SSH2: variants seen among roughly 807,000 people sequenced by gnomAD.
The protein encoded by SSH2 is protein phosphatase Slingshot homolog 2.
A neutral mutation model predicts 135.2 loss-of-function variants in SSH2; 37 were observed. The observed-to-expected ratio is 0.27, with a 90% CI of 0.21 to 0.36. The LOEUF (loss-of-function observed/expected upper bound fraction) is 0.36. Among genes scored for constraint, SSH2 ranks in the 10% least tolerant of loss-of-function variants. SSH2 has a pLI of 1.00. For missense variants in SSH2, 1,408 were observed against 1,765.3 expected (o/e 0.80, Z 3.63); for synonymous variants, 628 against 646.2 (o/e 0.97, Z 0.43).
chr17:29,840,826 G>A (rs531278060), intron 2 of SSH2, among the ~76,000 whole-genome samples: 1 of 152,264 alleles, frequency 6.6e-6, no homozygotes, highest in South Asian at 2.1e-4. Flanking sequence ...CAACTCCATG[G>A]GATAGGTACT....
At chr17:29,785,627 G>C (rs922073676) in intron 3 of SSH2, among the ~76,000 whole-genome samples, 1 of 150,490 alleles carries the variant, frequency 6.6e-6, no homozygotes, top group Non-Finnish European at 1.5e-5. Flanking sequence ...AGCCTCCTGA[G>C]TAGCTGGGAT....
At chr17:29,876,683 T>C (rs2066037793) in intron 1 of SSH2, among the ~76,000 whole-genome samples, 1 of 152,024 alleles carries the variant, frequency 6.6e-6, no homozygotes, top group Non-Finnish European at 1.5e-5. Flanking sequence ...AGAATAAAAC[T>C]AGACCTCTAT....
At chr17:29,874,650 C>G (rs958747379) in intron 1 of SSH2, among the ~76,000 whole-genome samples, 3 of 152,124 alleles carry the variant, frequency 2.0e-5, no homozygotes, top group African/African-American at 7.2e-5. Context: ...TTTCCTGAGG[C>G]CTCCCCAGCC....
intron 14 of SSH2, among the ~76,000 whole-genome samples, chr17:29,638,558 A>G (rs958496269): frequency 2.7e-5 from 4 of 147,684 alleles, no homozygotes; most frequent in Non-Finnish European, 5.9e-5. Context: ...ACACACACAC[A>G]CACAGAGACA....
chr17:29,643,826 A>G (rs770215079), intron 14 of SSH2, among the ~76,000 whole-genome samples: 8 of 151,846 alleles, frequency 5.3e-5, no homozygotes, highest in Non-Finnish European at 8.8e-5. Flanking sequence ...TGGAAATTCT[A>G]TTTTCTTGGC....
At chr17:29,740,570 T>A (rs982494528) in intron 3 of SSH2, among the ~76,000 whole-genome samples, 1 of 152,176 alleles carries the variant, frequency 6.6e-6, no homozygotes, top group African/African-American at 2.4e-5. Context: ...CTATATTCAA[T>A]ACTCATATAG....
intron 2 of SSH2, among the ~76,000 whole-genome samples, chr17:29,835,937 C>T (rs1261025208): frequency 1.5e-5 from 2 of 137,292 alleles, no homozygotes; most frequent in African/African-American, 2.8e-5. Context: ...CCAGCCTGGG[C>T]GATAGAGCAA....
intron 3 of SSH2, among the ~76,000 whole-genome samples, chr17:29,792,787 C>T (rs2042092754): frequency 6.6e-6 from 1 of 152,236 alleles, no homozygotes; most frequent in Non-Finnish European, 1.5e-5. Flanking sequence ...CGCCATTCTC[C>T]TGCCTCAGCC....
chr17:29,695,388 A>G, intron 5 of SSH2, 71 bp downstream of exon 5: 3 of 1,202,310 alleles, frequency 2.5e-6, no homozygotes, highest in Non-Finnish European at 3.6e-6. Flanking sequence ...GGATGTAAAA[A>G]TGACTGTTCA....
chr17:29,667,340 A>G, intron 9 of SSH2, 117 bp from the exon 10 acceptor site: 1 of 807,352 alleles, frequency 1.2e-6, no homozygotes, highest in Non-Finnish European at 1.9e-6. Flanking sequence ...CCTTTTCCAA[A>G]ATCGGTTCTA....
intron 12 of SSH2, among the ~76,000 whole-genome samples, chr17:29,654,606 A>T (rs935150569): frequency 6.6e-6 from 1 of 152,108 alleles, no homozygotes; most frequent in African/African-American, 2.4e-5. Flanking sequence ...CTCTTTTCTT[A>T]TTGGGATTAG....
intron 3 of SSH2, among the ~76,000 whole-genome samples, chr17:29,762,079 A>T (rs1056486164): frequency 6.6e-6 from 1 of 151,706 alleles, no homozygotes; most frequent in African/African-American, 2.4e-5. Flanking sequence ...TGGGGTTTCA[A>T]TGTGTTGGCC....
intron 3 of SSH2, among the ~76,000 whole-genome samples, chr17:29,735,328 T>C (rs1222623784): frequency 6.6e-6 from 1 of 152,224 alleles, no homozygotes; most frequent in African/African-American, 2.4e-5. Context: ...TTGGCTTTAA[T>C]TTTGAAACCA....
intron 1 of SSH2, among the ~76,000 whole-genome samples, chr17:29,868,141 C>CA (rs2065883477): frequency 6.6e-6 from 1 of 152,104 alleles, no homozygotes; most frequent in African/African-American, 2.4e-5. Flanking sequence ...ACAGTTATAC[C>CA]AATGATTAAA....
At chr17:29,885,028 C>T (rs951208628) in intron 1 of SSH2, among the ~76,000 whole-genome samples, 2 of 152,180 alleles carry the variant, frequency 1.3e-5, no homozygotes, top group African/African-American at 4.8e-5. Flanking sequence ...TATTCTGATG[C>T]AATGTAAAGC....
intron 6 of SSH2, among the ~76,000 whole-genome samples, chr17:29,680,382 A>G (rs2037921268): frequency 6.6e-6 from 1 of 151,404 alleles, no homozygotes; most frequent in African/African-American, 2.4e-5. Flanking sequence ...CCATCTCTAC[A>G]CTAAAAATAC....
intron 1 of SSH2, among the ~76,000 whole-genome samples, chr17:29,849,137 C>T (rs1272920193): frequency 6.6e-6 from 1 of 152,176 alleles, no homozygotes; most frequent in Admixed American, 6.5e-5. Flanking sequence ...GAAGCATTTC[C>T]TATGGTTTCC....
chr17:29,747,657 T>A (rs1488852801), intron 3 of SSH2, among the ~76,000 whole-genome samples: 1 of 152,248 alleles, frequency 6.6e-6, no homozygotes, highest in African/African-American at 2.4e-5. Context: ...CAAAGCTAAC[T>A]CTAACCCTAA....
At chr17:29,751,141 C>G (rs761284215) in intron 3 of SSH2, among the ~76,000 whole-genome samples, 3 of 151,100 alleles carry the variant, frequency 2.0e-5, no homozygotes, top group Non-Finnish European at 4.4e-5. Flanking sequence ...GTAGGCCAGG[C>G]GCAGTGGCTC....
Sources: allele counts gnomAD v4.1 joint callset (sites outside exome capture counted in the v4.1 genomes callset), GRCh38; gene constraint gnomAD v4.1.1; transcripts MANE v1.5; gene names NCBI Gene and HGNC (gene_info 2026-07-23, HGNC 2026-07-21).